The following PRPSAP1 variants were observed in gnomAD, a reference collection of about 807,000 sequenced individuals.
PRPSAP1 encodes phosphoribosyl pyrophosphate synthetase associated protein 1.
Under a neutral mutation model 39.4 loss-of-function variants are expected in PRPSAP1, and 31 were observed. The ratio of observed to expected loss-of-function variants is 0.79; its 90% CI spans 0.59 to 1.06. The LOEUF (loss-of-function observed/expected upper bound fraction) is 1.06, where lower values mean the gene tolerates loss of function less well. Ranked by LOEUF, PRPSAP1 falls within the 50% of genes least tolerant of loss-of-function variation. PRPSAP1 has a pLI of 0.00. For synonymous variants in PRPSAP1, 212 were observed against 192.6 expected (o/e 1.10, Z -0.83); for missense variants, 430 against 511.6 (o/e 0.84, Z 1.54).
intron 3 of PRPSAP1, among the ~76,000 whole-genome samples, chr17:76,342,436 G>A (rs567719036): frequency 7.2e-5 from 11 of 152,238 alleles, no homozygotes; most frequent in Middle Eastern, 3.4e-3. Flanking sequence ...AGTCAAGGCC[G>A]GGTGTGGTGG....
chr17:76,346,091 A>T (rs1186664642), intron 2 of PRPSAP1: 2 of 312,352 alleles, frequency 6.4e-6, no homozygotes, highest in Non-Finnish European at 1.3e-5. Flanking sequence ...CCTGCTGGAG[A>T]TGCTGAGGGA....
chr17:76,344,963 C>T (rs1366098074), intron 2 of PRPSAP1, among the ~76,000 whole-genome samples: 2 of 151,902 alleles, frequency 1.3e-5, no homozygotes, highest in Non-Finnish European at 2.9e-5. Context: ...TAGCTGGGCG[C>T]GGTGGCTCAC....
intron 3 of PRPSAP1, among the ~76,000 whole-genome samples, chr17:76,339,259 G>A (rs538798484): frequency 6.6e-6 from 1 of 151,286 alleles, no homozygotes; most frequent in East Asian, 1.9e-4. Context: ...ACAAAAATCA[G>A]CTGGCTGTGG....
At chr17:76,329,775 C>T (rs2071300739) in intron 6 of PRPSAP1, among the ~76,000 whole-genome samples, 1 of 151,676 alleles carries the variant, frequency 6.6e-6, no homozygotes. Context: ...TTGAAAAATG[C>T]TCATAGCCTC....
At chr17:76,334,594 T>G (rs2071359401) in intron 3 of PRPSAP1, among the ~76,000 whole-genome samples, 1 of 151,838 alleles carries the variant, frequency 6.6e-6, no homozygotes, top group South Asian at 2.1e-4. Context: ...TAATTTGGAT[T>G]TTTCTTAACT....
intron 3 of PRPSAP1, among the ~76,000 whole-genome samples, chr17:76,336,732 C>CAAAAAAAAA (rs57399038): frequency 1.6e-5 from 1 of 63,344 alleles, no homozygotes; most frequent in Non-Finnish European, 3.0e-5. Flanking sequence ...AACTCCATCT[C>CAAAAAAAAA]AAAAAAAAAA....
intron 3 of PRPSAP1, among the ~76,000 whole-genome samples, chr17:76,332,729 C>T (rs1397980342): frequency 2.6e-5 from 4 of 152,192 alleles, no homozygotes; most frequent in African/African-American, 9.7e-5. Context: ...TCTGAAGCAA[C>T]TGCTGGTGAC....
intron 7 of PRPSAP1, among the ~76,000 whole-genome samples, chr17:76,320,325 A>G (rs1180881463): frequency 3.9e-5 from 5 of 127,008 alleles, no homozygotes; most frequent in East Asian, 2.5e-4. Flanking sequence ...GGAAGGGAAG[A>G]AGGGAGGGAG....
At chr17:76,331,029 A>C (rs939532582) in intron 4 of PRPSAP1, among the ~76,000 whole-genome samples, 2 of 152,230 alleles carry the variant, frequency 1.3e-5, no homozygotes, top group Non-Finnish European at 2.9e-5. Context: ...AGAAAGGATA[A>C]AGAACTGTAG....
At chr17:76,339,656 C>G (rs1441782052) in intron 3 of PRPSAP1, among the ~76,000 whole-genome samples, 1 of 151,756 alleles carries the variant, frequency 6.6e-6, no homozygotes, top group Non-Finnish European at 1.5e-5. Flanking sequence ...AAAGAAACTT[C>G]ACCATCTTCA....
rs763701532 is a variant in PRPSAP1 at position 76,328,685 on chromosome 17, CAAATA to C, written c.781+27_781+31del. ...ACAAAAAAAAACTTTCTTCAATTTACAAATAAAATAAAAACACAGAGCTCATCTTA... is the reference window on the plus strand; with the variant it reads ...ACAAAAAAAAACTTTCTTCAATTTACAAATAAAAACACAGAGCTCATCTTA... On this transcript the variant is annotated intron_variant, in intron 7 of 9. Transcript: ENST00000446526. 2.3e-5 allele frequency: 37 copies of C among 1,595,012 alleles called. No homozygotes were observed. The East Asian group carries it at 5.8e-4, about 25-fold the overall frequency.
intron 1 of PRPSAP1, chr17:76,353,213 C>T (rs2071598970): frequency 3.3e-6 from 1 of 301,756 alleles, no homozygotes; most frequent in Non-Finnish European, 6.2e-6. Flanking sequence ...GCCCCTTTCC[C>T]CAAGACACGC....
intron 7 of PRPSAP1, among the ~76,000 whole-genome samples, chr17:76,323,249 C>T (rs547944263): frequency 3.4e-5 from 5 of 146,876 alleles, no homozygotes; most frequent in Non-Finnish European, 5.9e-5. Flanking sequence ...GAATGAGGCA[C>T]GAGAATCACC....
rs1353381847 is a variant in PRPSAP1, at chr17:76,311,430, T to C, written c.*112A>G. 3 of 1,221,422 alleles carry C rather than the reference T, an allele frequency of 2.5e-6. No individual in the cohort carries two copies. The highest frequency in any genetic ancestry group is 2.5e-5 in the East Asian group (1 of 39,754). The allele number at this position is 1,221,422 out of a possible 1,614,324, so 75.7% of individuals were successfully genotyped here. A position where few individuals can be genotyped will look rare whatever the true frequency, so the allele number is the denominator to read the frequency against. ...CCATCAATCCGGGCAAAAGAAGATA[T>C]CTAACTCCAGGCTGTTTCGAGTCCT... On this transcript the variant is annotated 3_prime_UTR_variant, in exon 10 of 10. Coordinates refer to ENST00000446526, the MANE Select transcript of PRPSAP1 (RefSeq NM_002766.3).
intron 3 of PRPSAP1, among the ~76,000 whole-genome samples, chr17:76,340,972 T>C (rs111861196): frequency 0.013 from 1,889 of 150,324 alleles, 46 homozygotes; most frequent in African/African-American, 0.044. Flanking sequence ...GCCAAAAAGG[T>C]TGGAGACTGC....
In PRPSAP1 at chr17:76,345,607, G is replaced by C. The variant is rs565794663; in HGVS notation, c.224-870C>G. On this transcript the variant is annotated intron_variant, in intron 2 of 9. Transcript: ENST00000446526. ...GCCTGGACAACAGAGACCTTGTCTG[G>C]AGAAAAAAAAAAAAAAAAAGCAGAA... 3.9e-3 allele frequency among the ~76,000 whole-genome samples: 457 copies of C among 115,984 alleles called. 1 individual carries two copies. The highest frequency in any genetic ancestry group is 0.017 in the Middle Eastern group (4 of 236). The allele number at this position is 115,984 out of a possible 152,430, so 76.1% of individuals were successfully genotyped here.
At chr17:76,351,217 C>G (rs2071565736) in intron 1 of PRPSAP1, among the ~76,000 whole-genome samples, 1 of 151,826 alleles carries the variant, frequency 6.6e-6, no homozygotes, top group Non-Finnish European at 1.5e-5. Flanking sequence ...ACTAAAAATA[C>G]AAAAACTAGC....
At chr17:76,347,976 C>T (rs1041570055) in intron 2 of PRPSAP1, among the ~76,000 whole-genome samples, 2 of 152,082 alleles carry the variant, frequency 1.3e-5, no homozygotes, top group Non-Finnish European at 2.9e-5. Context: ...CCCCAGCCTA[C>T]AGGGTAGGAG....
chr17:76,327,805 C>G (rs555960115), intron 7 of PRPSAP1, among the ~76,000 whole-genome samples: 1 of 152,214 alleles, frequency 6.6e-6, no homozygotes, highest in South Asian at 2.1e-4. Context: ...TATCAAACAC[C>G]GTCTGAATGC....
Sources: allele counts gnomAD v4.1 joint callset (sites outside exome capture counted in the v4.1 genomes callset), GRCh38; gene constraint gnomAD v4.1.1; transcripts MANE v1.5; gene names NCBI Gene and HGNC (gene_info 2026-07-23, HGNC 2026-07-21).